NHEJ1: variants seen among roughly 807,000 people sequenced by gnomAD.
NHEJ1 encodes the protein non-homologous end joining factor 1, also known as non-homologous end-joining factor 1.
NHEJ1 carries 22 observed loss-of-function variants against 39.4 expected under a neutral mutation model. The observed-to-expected ratio is 0.56, with a 90% CI of 0.40 to 0.80. The LOEUF (loss-of-function observed/expected upper bound fraction) is 0.80. NHEJ1 is among the 30% of genes least tolerant of loss of function. NHEJ1 has a pLI of 0.00. For missense variants in NHEJ1, 329 were observed against 357.1 expected (o/e 0.92, Z 0.63); for synonymous variants, 154 against 135.6 (o/e 1.14, Z -0.94).
rs1286621775 is a variant in NHEJ1 at position 219,073,834 on chromosome 2, G to A, written c.*2547C>T. On this transcript the variant is annotated 3_prime_UTR_variant, in exon 8 of 8. Coordinates refer to ENST00000356853, the MANE Select transcript of NHEJ1 (RefSeq NM_024782.3). ...AAACACAGGGAAAACTAATATTTACGGAATAAAATTTATGGAGCAGCCACG... is the reference window on the plus strand; with the variant it reads ...AAACACAGGGAAAACTAATATTTACAGAATAAAATTTATGGAGCAGCCACG... Among the ~76,000 whole-genome samples, 1 of 152,192 alleles carries A rather than the reference G, an allele frequency of 6.6e-6. No homozygotes were observed. Among genetic ancestry groups the A allele is most frequent in the African/African-American group, 2.4e-5 (1 of 41,450 alleles).
intron 5 of NHEJ1, among the ~76,000 whole-genome samples, chr2:219,131,987 A>T (rs188522915): frequency 1.1e-4 from 16 of 152,350 alleles, no homozygotes; most frequent in African/African-American, 3.4e-4. Flanking sequence ...TCTGGTGCCA[A>T]ATTCCACAAT....
intron 4 of NHEJ1, among the ~76,000 whole-genome samples, chr2:219,146,969 T>C (rs981262324): frequency 6.6e-6 from 1 of 152,170 alleles, no homozygotes; most frequent in Non-Finnish European, 1.5e-5. Flanking sequence ...TCTAGGAGTT[T>C]TTCCTGCCAC....
At chr2:219,100,527 T>C (rs55723815) in intron 5 of NHEJ1, among the ~76,000 whole-genome samples, 3,664 of 150,756 alleles carry the variant, frequency 0.024, 154 homozygotes, top group African/African-American at 0.084. Flanking sequence ...ATGAGAATCA[T>C]TTGAATCCAG....
In NHEJ1 at chr2:219,111,452, T is replaced by C. The variant is rs746257773; in HGVS notation, c.589-33246A>G. 2.6e-5 allele frequency among the ~76,000 whole-genome samples: 4 copies of C among 152,198 alleles called. No individual in the cohort carries two copies. Among genetic ancestry groups the C allele is most frequent in the Non-Finnish European group, 5.9e-5 (4 of 68,038 alleles). ...TGATGACATTAGCATTACAGAATACTAATAAACAGTCTTCTCTGTCCCCTG... is the reference window on the plus strand; with the variant it reads ...TGATGACATTAGCATTACAGAATACCAATAAACAGTCTTCTCTGTCCCCTG... On this transcript the variant is annotated intron_variant, in intron 5 of 7. Transcript: ENST00000356853. The surrounding 1 kb of genome is among the most constrained non-coding windows in gnomAD (Gnocchi z 4.1).
intron 5 of NHEJ1, among the ~76,000 whole-genome samples, chr2:219,113,144 G>A (rs544317928): frequency 3.2e-4 from 49 of 152,220 alleles, no homozygotes; most frequent in African/African-American, 1.2e-3. Flanking sequence ...AGCATCTCTC[G>A]ACTCTGCTTC....
intron 5 of NHEJ1, among the ~76,000 whole-genome samples, chr2:219,080,546 T>TAAA (rs770621909): frequency 9.6e-5 from 13 of 134,794 alleles, no homozygotes; most frequent in African/African-American, 4.0e-4. Flanking sequence ...AATAAATAAA[T>TAAA]AAAAATATAT....
At chr2:219,101,573 GCTAA>G (rs1415817583) in intron 5 of NHEJ1, among the ~76,000 whole-genome samples, 1 of 151,568 alleles carries the variant, frequency 6.6e-6, no homozygotes. Flanking sequence ...ACTGTGCTTG[GCTAA>G]CTTTTTAATT....
At chr2:219,138,688 T>A (rs1348626463) in intron 5 of NHEJ1, among the ~76,000 whole-genome samples, 1 of 152,238 alleles carries the variant, frequency 6.6e-6, no homozygotes, top group South Asian at 2.1e-4. Context: ...GTAAATTTTA[T>A]GGCAATATGT....
At chr2:219,105,439 C>T (rs1167767738) in intron 5 of NHEJ1, among the ~76,000 whole-genome samples, 1 of 152,186 alleles carries the variant, frequency 6.6e-6, no homozygotes, top group Non-Finnish European at 1.5e-5. Context: ...AACCCTGCCA[C>T]ATCCATTTTG....
intron 5 of NHEJ1, among the ~76,000 whole-genome samples, chr2:219,133,155 A>G (rs1949594737): frequency 6.6e-6 from 1 of 152,264 alleles, no homozygotes; most frequent in Non-Finnish European, 1.5e-5. Flanking sequence ...TTTCCTAAAT[A>G]CTGGACAGCT....
chr2:219,156,173 C>T (rs189711261), intron 3 of NHEJ1, among the ~76,000 whole-genome samples: 8 of 151,858 alleles, frequency 5.3e-5, no homozygotes, highest in African/African-American at 1.7e-4. Context: ...GGCATGAACC[C>T]GGGAGGCGGA....
intron 5 of NHEJ1, among the ~76,000 whole-genome samples, chr2:219,134,250 G>A (rs1211556351): frequency 6.6e-6 from 1 of 152,184 alleles, no homozygotes; most frequent in Non-Finnish European, 1.5e-5. Context: ...AATAGCACAG[G>A]ATTTGAGTCA....
intron 5 of NHEJ1, among the ~76,000 whole-genome samples, chr2:219,089,088 G>A (rs977295233): frequency 2.0e-5 from 3 of 152,096 alleles, no homozygotes; most frequent in Non-Finnish European, 2.9e-5. Flanking sequence ...CAAAGTGCTC[G>A]GATTACAGGC....
rs948420000 is a variant in NHEJ1 at position 219,132,704 on chromosome 2, C to A, written c.588+13976G>T. 3.3e-5 allele frequency among the ~76,000 whole-genome samples: 5 copies of A among 152,256 alleles called. No individual in the cohort carries two copies. The South Asian group carries it at 1.0e-3, about 32-fold the overall frequency. On this transcript the variant is annotated intron_variant, in intron 5 of 7. Coordinates refer to ENST00000356853, the MANE Select transcript of NHEJ1 (RefSeq NM_024782.3). ...TTTCCTTCAGCAGCCACTCTCCATACAATATTCCTCTGAACTCTTACCTCA... is the reference window on the plus strand; with the variant it reads ...TTTCCTTCAGCAGCCACTCTCCATAAAATATTCCTCTGAACTCTTACCTCA...
intron 5 of NHEJ1, among the ~76,000 whole-genome samples, chr2:219,143,731 T>C (rs1009098862): frequency 2.0e-5 from 3 of 152,212 alleles, no homozygotes; most frequent in Non-Finnish European, 4.4e-5. Context: ...AAAACACTGA[T>C]ACTCTTCCTG....
chr2:219,118,612 G>C (rs1175753768), intron 5 of NHEJ1, among the ~76,000 whole-genome samples: 1 of 152,172 alleles, frequency 6.6e-6, no homozygotes, highest in Non-Finnish European at 1.5e-5. Context: ...TCTGTAAAGC[G>C]GATGGAAATG....
At chr2:219,140,375 A>G (rs1949678977) in intron 5 of NHEJ1, among the ~76,000 whole-genome samples, 1 of 152,252 alleles carries the variant, frequency 6.6e-6, no homozygotes, top group African/African-American at 2.4e-5. Context: ...TTGCAACTTA[A>G]TAAGATAGCT....
At chr2:219,137,705 A>G (rs1949648984) in intron 5 of NHEJ1, among the ~76,000 whole-genome samples, 1 of 151,722 alleles carries the variant, frequency 6.6e-6, no homozygotes, top group Non-Finnish European at 1.5e-5. Flanking sequence ...TTTTCTACTA[A>G]TCCTCATCCA....
intron 5 of NHEJ1, among the ~76,000 whole-genome samples, chr2:219,142,355 G>A (rs890378962): frequency 2.0e-5 from 3 of 152,214 alleles, no homozygotes; most frequent in Non-Finnish European, 2.9e-5. Context: ...GGGGTTGCCA[G>A]CTGTAGAGGG....
Sources: gnomAD v4.1 joint callset for allele counts (sites outside exome capture counted in the v4.1 genomes callset) on GRCh38, gnomAD v4.1.1 for gene constraint, Gnocchi (gnomAD v3.1) non-coding constraint, MANE v1.5 for transcripts, NCBI Gene and HGNC (gene_info 2026-07-23, HGNC 2026-07-21) for gene names.